The following KLHL4 variants were observed in gnomAD, a reference collection of about 807,000 sequenced individuals.
The protein encoded by KLHL4 is kelch-like protein 4.
In KLHL4, 17 loss-of-function variants were observed where a neutral mutation model predicts 45.8. The ratio of observed to expected loss-of-function variants is 0.37; its 90% confidence interval spans 0.25 to 0.56. KLHL4 has a LOEUF of 0.56. KLHL4 is among the 20% of genes least tolerant of loss of function. KLHL4 has a pLI of 0.79. For missense variants in KLHL4, 544 were observed against 544.9 expected (o/e 1.00, Z 0.02); for synonymous variants, 224 against 189.9 (o/e 1.18, Z -1.47).
chrX:87,665,405 G>GT (rs1202030795), intron 10 of KLHL4, among the ~76,000 whole-genome samples: 2 of 111,118 alleles, frequency 1.8e-5, no homozygotes, highest in Admixed American at 9.6e-5. Flanking sequence ...TATAGAGACT[G>GT]TGTAGACTGC....
In KLHL4 at chrX:87,518,400, G is replaced by A. The variant is rs766570678; in HGVS notation, c.422+85G>A. The A allele has an allele frequency of 1.4e-3, 1,140 of 799,073 alleles. 1 individual carries two copies. Among genetic ancestry groups the A allele is most frequent in the Non-Finnish European group, 1.9e-3 (1,083 of 561,358 alleles). 65.9% of individuals were successfully genotyped at this position (799,073 alleles called of 1,213,427 possible). ...TTCATGTTTAGTGTTTAAATAGAAA[G>A]TGTCATAATAATCTCTGAGTTTGTA... On this transcript the variant is annotated intron_variant, in intron 1 of 10. Transcript: ENST00000373119.
At chrX:87,582,989 AATTGGCTACTTTTAGGATCCTGCTG>A (rs1389695334) in intron 1 of KLHL4, among the ~76,000 whole-genome samples, 1 of 110,774 alleles carries the variant, frequency 9.0e-6, no homozygotes, top group Non-Finnish European at 1.9e-5. Context: ...TCCTCCCTGC[AATTGGCTACTTTTAGGATCCTGCTG>A]ATTGGTGCAT....
intron 6 of KLHL4, among the ~76,000 whole-genome samples, chrX:87,628,001 A>G (rs777828964): frequency 9.0e-6 from 1 of 111,558 alleles, no homozygotes; most frequent in Non-Finnish European, 1.9e-5. Flanking sequence ...TCTGGACTCT[A>G]TTACCAAAGT....
intron 9 of KLHL4, among the ~76,000 whole-genome samples, chrX:87,654,012 G>T (rs1207762813): frequency 9.0e-6 from 1 of 111,082 alleles, no homozygotes; most frequent in Non-Finnish European, 1.9e-5. Context: ...TCATAAGGAA[G>T]AATAGCTAAT....
At chrX:87,582,548 T>C (rs1370339760) in intron 1 of KLHL4, among the ~76,000 whole-genome samples, 26 of 112,238 alleles carry the variant, frequency 2.3e-4, no homozygotes, top group Admixed American at 2.3e-3. Context: ...TTTGAGTTCA[T>C]GAAACCTCAC....
intron 1 of KLHL4, among the ~76,000 whole-genome samples, chrX:87,586,726 G>T (rs1354484106): frequency 9.0e-6 from 1 of 110,639 alleles, no homozygotes; most frequent in Non-Finnish European, 1.9e-5. Flanking sequence ...AACTAGAAAA[G>T]CAAGAGGAAA....
At chrX:87,569,603 A>T (rs1285523779) in intron 1 of KLHL4, among the ~76,000 whole-genome samples, 1 of 111,939 alleles carries the variant, frequency 8.9e-6, no homozygotes. Context: ...TGAAAGAATA[A>T]ACAAAATGTG....
intron 1 of KLHL4, among the ~76,000 whole-genome samples, chrX:87,540,371 C>G (rs1931525215): frequency 9.0e-6 from 1 of 111,655 alleles, no homozygotes. Context: ...ATATTTTTAA[C>G]TTTTGATGCT....
chrX:87,565,857 C>T (rs1444310070), intron 1 of KLHL4, among the ~76,000 whole-genome samples: 4 of 109,802 alleles, frequency 3.6e-5, no homozygotes, highest in Non-Finnish European at 1.9e-5. Context: ...TAACACACTG[C>T]CTCTAGAAAA....
chrX:87,607,320 C>T (rs947485561), intron 1 of KLHL4, among the ~76,000 whole-genome samples: 4 of 110,958 alleles, frequency 3.6e-5, no homozygotes, highest in African/African-American at 6.6e-5. Flanking sequence ...GCATATGTTC[C>T]GTAGCATTGA....
At chrX:87,537,500 A>G (rs1017178194) in intron 1 of KLHL4, among the ~76,000 whole-genome samples, 9 of 110,732 alleles carry the variant, frequency 8.1e-5, no homozygotes, top group Admixed American at 3.9e-4. Flanking sequence ...TTATATAAAT[A>G]TATATATAGA....
At chrX:87,589,018 A>G (rs763992056) in intron 1 of KLHL4, among the ~76,000 whole-genome samples, 1 of 112,280 alleles carries the variant, frequency 8.9e-6, no homozygotes, top group African/African-American at 3.2e-5. Flanking sequence ...TGAAAAAAAC[A>G]TTTGTTAAAA....
At chrX:87,596,906 T>A (rs1921858965) in intron 1 of KLHL4, among the ~76,000 whole-genome samples, 1 of 112,452 alleles carries the variant, frequency 8.9e-6, no homozygotes, top group South Asian at 3.6e-4. Context: ...GATTTATCAT[T>A]ATCAGTTTGC....
intron 1 of KLHL4, among the ~76,000 whole-genome samples, chrX:87,519,793 A>G (rs908310279): frequency 8.9e-6 from 1 of 112,156 alleles, no homozygotes; most frequent in Non-Finnish European, 1.9e-5. Context: ...TTAATAAATG[A>G]ATTTAACTCT....
At chrX:87,549,163 A>G (rs1201544362) in intron 1 of KLHL4, among the ~76,000 whole-genome samples, 1 of 111,207 alleles carries the variant, frequency 9.0e-6, no homozygotes, top group Non-Finnish European at 1.9e-5. Context: ...CAGAAACTAT[A>G]AGAAGAAAAA....
intron 1 of KLHL4, among the ~76,000 whole-genome samples, chrX:87,603,176 A>G (rs1315022197): frequency 8.9e-6 from 1 of 111,971 alleles, no homozygotes; most frequent in Non-Finnish European, 1.9e-5. Context: ...AGGATAATAC[A>G]TAAATCTTAG....
At chrX:87,584,140 A>C (rs191604175) in intron 1 of KLHL4, among the ~76,000 whole-genome samples, 185 of 112,287 alleles carry the variant, frequency 1.6e-3, no homozygotes, top group African/African-American at 5.9e-3. Context: ...TGAAAGGACA[A>C]CAGTTCTACT....
chrX:87,525,429 A>G (rs1931089123), intron 1 of KLHL4, among the ~76,000 whole-genome samples: 1 of 111,673 alleles, frequency 9.0e-6, no homozygotes, highest in South Asian at 3.7e-4. Flanking sequence ...TTCCTATGCT[A>G]AAAGAAAAAT....
At chrX:87,653,033 C>T (rs184868529) in intron 9 of KLHL4, among the ~76,000 whole-genome samples, 62 of 111,775 alleles carry the variant, frequency 5.5e-4, no homozygotes, top group African/African-American at 2.0e-3. Flanking sequence ...ATAAAACCAT[C>T]AGAACTTGTG....
Sources: gnomAD v4.1 joint callset for allele counts (sites outside exome capture counted in the v4.1 genomes callset) on GRCh38, gnomAD v4.1.1 for gene constraint, MANE v1.5 for transcripts, NCBI Gene and HGNC (gene_info 2026-07-23, HGNC 2026-07-21) for gene names.